The following TMA16 variants were observed in gnomAD, a reference collection of about 807,000 sequenced individuals.
The protein encoded by TMA16 is translation machinery associated 16 homolog, also known as translation machinery-associated protein 16.
In TMA16, 26 loss-of-function variants were observed where a neutral mutation model predicts 27.1. The ratio of observed to expected loss-of-function variants is 0.96; its 90% confidence interval spans 0.70 to 1.33. The LOEUF (loss-of-function observed/expected upper bound fraction) is 1.33. TMA16 is among the 40% of genes most tolerant of loss of function. TMA16 has a pLI of 0.00. For synonymous variants in TMA16, 71 were observed against 81.9 expected (o/e 0.87, Z 0.72); for missense variants, 233 against 241.4 (o/e 0.97, Z 0.23).
chr4:163,496,590 T>C lies in TMA16; in HGVS notation c.3+1786T>C, dbSNP rs1049615178. On this transcript the variant is annotated intron_variant, in intron 1 of 6. Coordinates refer to ENST00000358572, the MANE Select transcript of TMA16 (RefSeq NM_018352.3). ...TATGCTGCATTAAAAAGGTTTTTAG[T>C]GTTTATTATTTTTTATTTTTTTTTG... 3.3e-5 allele frequency among the ~76,000 whole-genome samples: 5 copies of C among 152,110 alleles called. No individual in the cohort carries two copies. The South Asian group carries it at 6.2e-4, about 19-fold the overall frequency.
At position 163,497,828 on chromosome 4, in the gene TMA16, C is replaced by T. The variant is rs115800509; in HGVS notation, c.3+3024C>T. On this transcript the variant is annotated intron_variant, in intron 1 of 6. Coordinates refer to ENST00000358572, the MANE Select transcript of TMA16 (RefSeq NM_018352.3). ...AATCAGGGCGTGGATATCTTTTGGT[C>T]GGAGGAGGGCAGAGCATTATTGCGT... Among the ~76,000 whole-genome samples, 651 of 152,240 alleles carry T rather than the reference C, an allele frequency of 4.3e-3. 3 individuals carry two copies. Among genetic ancestry groups the T allele is most frequent in the Non-Finnish European group, 6.1e-3 (418 of 68,014 alleles).
intron 5 of TMA16, 95 bp downstream of exon 5, chr4:163,515,556 C>G: frequency 7.2e-7 from 1 of 1,395,744 alleles, no homozygotes; most frequent in Non-Finnish European, 9.5e-7. Flanking sequence ...TTGTTTATTT[C>G]ATTTGATTTT....
chr4:163,517,218 T>C (rs1737893899), intron 5 of TMA16: 2 of 546,174 alleles, frequency 3.7e-6, no homozygotes, highest in East Asian at 6.5e-5. Flanking sequence ...CTTTGTTTTA[T>C]TTCATGGATT....
At chr4:163,502,022 C>A (rs1737656626) in intron 1 of TMA16, among the ~76,000 whole-genome samples, 1 of 152,086 alleles carries the variant, frequency 6.6e-6, no homozygotes, top group Non-Finnish European at 1.5e-5. Context: ...CAGTGCTTAT[C>A]CTAGTACATG....
At chr4:163,513,757 C>T (rs558787149) in intron 3 of TMA16, among the ~76,000 whole-genome samples, 9 of 152,114 alleles carry the variant, frequency 5.9e-5, no homozygotes, top group Non-Finnish European at 1.3e-4. Context: ...TTTTGACAAG[C>T]TGTCCTTTGC....
In TMA16 at chr4:163,519,469, C is replaced by T. The variant is rs753089409; in HGVS notation, c.567C>T (p.Asn189=). The change falls in exon 7 of 7, where the codon AAC becomes AAT. Residue 189 remains asparagine (N), a synonymous_variant. Transcript: ENST00000358572. ...VDQDLGELEL[N]DESSDSDEEM... is the part of the protein sequence containing the mutation. ...AAGATTTGGGGGAATTGGAACTAAACGATGAATCAAGTGATTCAGATGAGG... is the reference window on the plus strand; with the variant it reads ...AAGATTTGGGGGAATTGGAACTAAATGATGAATCAAGTGATTCAGATGAGG... The T allele has an allele frequency of 2.9e-5, 46 of 1,603,402 alleles. No individual in the cohort carries two copies. The Admixed American group carries it at 5.8e-4, about 20-fold the overall frequency.
chr4:163,498,286 A>AT lies in TMA16; in HGVS notation c.3+3501dup, dbSNP rs10608478. The stretch of plus-strand genomic sequence containing the variant: ...ATTAATAGAATTTCTTGGTTAAAAG[A>AT]TTTTTTTTTTTTTTTTTTTGAGACA... On this transcript the variant is annotated intron_variant, in intron 1 of 6. Coordinates refer to ENST00000358572, the MANE Select transcript of TMA16 (RefSeq NM_018352.3). Among the ~76,000 whole-genome samples the AT allele has an allele frequency of 4.6e-3, 572 of 125,676 alleles. 12 individuals are homozygous for AT. Among genetic ancestry groups the AT allele is most frequent in the South Asian group, 0.024 (93 of 3,932 alleles). The allele number at this position is 125,676 out of a possible 152,430, so 82.4% of individuals were successfully genotyped here.
intron 2 of TMA16, among the ~76,000 whole-genome samples, chr4:163,509,957 T>C (rs180930227): frequency 6.6e-6 from 1 of 152,342 alleles, no homozygotes; most frequent in East Asian, 1.9e-4. Context: ...ATTAATCTTA[T>C]TGATTCTCTT....
chr4:163,510,734 G>A (rs755244097), intron 2 of TMA16, among the ~76,000 whole-genome samples: 13 of 152,152 alleles, frequency 8.5e-5, no homozygotes, highest in African/African-American at 1.4e-4. Flanking sequence ...CTGTTATTAC[G>A]AAAAGTTTTG....
intron 1 of TMA16, 99 bp from the exon 2 acceptor site, chr4:163,506,934 C>A: frequency 1.1e-6 from 1 of 904,706 alleles, no homozygotes. Flanking sequence ...GTATTTCTGT[C>A]ATATTACTGT....
chr4:163,501,238 A>G (rs140313276), intron 1 of TMA16, among the ~76,000 whole-genome samples: 5 of 152,314 alleles, frequency 3.3e-5, no homozygotes, highest in African/African-American at 1.2e-4. Context: ...AGTCTCACTT[A>G]GTGACATATT....
chr4:163,502,805 T>G (rs1737665627), intron 1 of TMA16, among the ~76,000 whole-genome samples: 1 of 152,122 alleles, frequency 6.6e-6, no homozygotes, highest in Admixed American at 6.5e-5. Flanking sequence ...GCAGTGAAGA[T>G]TCACTGCAAA....
In TMA16 at chr4:163,519,263, A is replaced by G. The variant is rs1046677620; in HGVS notation, c.432-71A>G. On this transcript the variant is annotated intron_variant, in intron 6 of 6. Transcript: ENST00000358572. Reference sequence around the variant, plus strand: ...AGGATCCTCAGAGTTTCGAAAATTTACTATCTCCTGTTTTTCCACATTAAC... The same window carrying G: ...AGGATCCTCAGAGTTTCGAAAATTTGCTATCTCCTGTTTTTCCACATTAAC... 8 of 1,392,500 alleles carry G rather than the reference A, an allele frequency of 5.7e-6. No individual in the cohort carries two copies. The South Asian group carries it at 1.2e-4, about 20-fold the overall frequency. The allele number at this position is 1,392,500 out of a possible 1,614,324, so 86.3% of individuals were successfully genotyped here. A position where few individuals can be genotyped will look rare whatever the true frequency, so the allele number is the denominator to read the frequency against.
At chr4:163,507,880 A>G (rs1432298328) in intron 2 of TMA16, among the ~76,000 whole-genome samples, 8 of 151,896 alleles carry the variant, frequency 5.3e-5, no homozygotes, top group Non-Finnish European at 1.2e-4. Context: ...CATGAATGTT[A>G]GATACATTTG....
chr4:163,515,304 A>G lies in TMA16; in HGVS notation c.240-9A>G, dbSNP rs750267794. 2 of 1,601,874 alleles carry G rather than the reference A, an allele frequency of 1.2e-6. No individual in the cohort carries two copies. The highest frequency in any genetic ancestry group is 1.7e-6 in the Non-Finnish European group (2 of 1,175,976). On this transcript the variant is annotated splice_polypyrimidine_tract_variant and intron_variant, in intron 4 of 6. Coordinates refer to ENST00000358572, the MANE Select transcript of TMA16 (RefSeq NM_018352.3). ...TGTATGTAACACAAATCATTTTCGT[A>G]TTTTTCAGGTACTTAAATCGATTCA...
rs76736972 is a variant in TMA16, at chr4:163,495,908, T to C, written c.3+1104T>C. On this transcript the variant is annotated intron_variant, in intron 1 of 6. Transcript: ENST00000358572. ...ACTTTGCTTGTGGGATTTCCAACTC[T>C]TTATAGTGTTAGTTTTTTTCCCCTT... 3.1e-3 allele frequency among the ~76,000 whole-genome samples: 465 copies of C among 152,356 alleles called. 19 individuals carry two copies. The East Asian group carries it at 0.078, about 26-fold the overall frequency.
At chr4:163,500,584 G>T (rs912147834) in intron 1 of TMA16, among the ~76,000 whole-genome samples, 1 of 152,118 alleles carries the variant, frequency 6.6e-6, no homozygotes, top group African/African-American at 2.4e-5. Flanking sequence ...TTGGTGGATT[G>T]ACTCAAACAA....
At position 163,519,986 on chromosome 4, in the gene TMA16, AG is replaced by A; in HGVS notation, c.*475del. The A allele has an allele frequency of 1.6e-6, 1 of 607,940 alleles. No homozygotes were observed. 37.7% of individuals were successfully genotyped at this position (607,940 alleles called of 1,614,324 possible). A position where few individuals can be genotyped will look rare whatever the true frequency, so the allele number is the denominator to read the frequency against. On this transcript the variant is annotated 3_prime_UTR_variant, in exon 7 of 7. Transcript: ENST00000358572. ...ACCTATTTTCCTTTTTTACAGAATA[AG>A]GGAAAATGTGATAAGAAGTTTGTAT...
Position 163,514,130 on chromosome 4 carries a change from A to G in TMA16, c.211A>G (p.Lys71Glu), listed in dbSNP as rs778667231. 4.4e-6 allele frequency: 7 copies of G among 1,608,802 alleles called. No individual in the cohort carries two copies. In the African/African-American group the frequency reaches 9.4e-5, roughly 22 times the overall value. ...HLDPQKKRYS[K>E]KDACELIERY... Reference sequence around the variant, plus strand: ...TGATCCCCAAAAAAAGAGATATTCAAAGAAAGATGCTTGTGAACTAATTGA... The same window carrying G: ...TGATCCCCAAAAAAAGAGATATTCAGAGAAAGATGCTTGTGAACTAATTGA... Residue 71 changes from lysine to glutamate, a missense_variant, in exon 4 of 7, where the codon AAG becomes GAG. Lys to Glu is a moderately conservative substitution (Grantham distance 56). Transcript: ENST00000358572.
Sources: allele counts gnomAD v4.1 joint callset (sites outside exome capture counted in the v4.1 genomes callset), GRCh38; gene constraint gnomAD v4.1.1; transcripts MANE v1.5; gene names NCBI Gene and HGNC (gene_info 2026-07-23, HGNC 2026-07-21).